NRXN3: variants seen among roughly 807,000 people sequenced by gnomAD.
NRXN3 encodes the protein neurexin 3.
NRXN3 carries 32 observed loss-of-function variants against 137.6 expected under a neutral mutation model. That is an observed-to-expected ratio of 0.23 (90% CI 0.18 to 0.31). The LOEUF (loss-of-function observed/expected upper bound fraction) is 0.31, where lower values mean the gene tolerates loss of function less well. NRXN3 is among the 10% of genes least tolerant of loss of function. NRXN3 has a pLI of 1.00. For missense variants in NRXN3, 1,574 were observed against 2,062.5 expected (o/e 0.76, Z 4.59); for synonymous variants, 798 against 784.5 (o/e 1.02, Z -0.29).
intron 15 of NRXN3, chr14:79,280,650 A>G (rs1482279258): frequency 8.9e-7 from 1 of 1,123,202 alleles, no homozygotes; most frequent in Non-Finnish European, 1.3e-6. Flanking sequence ...TGAATTTAAA[A>G]TGATGAAAAG....
At chr14:79,762,457 C>T (rs72698405) in intron 19 of NRXN3, among the ~76,000 whole-genome samples, 18,783 of 145,852 alleles carry the variant, frequency 0.13, 1,456 homozygotes, top group Middle Eastern at 0.23. Context: ...TCAGAGATTT[C>T]CTGGCTTCAC....
chr14:78,538,741 G>T (rs983316583), intron 4 of NRXN3, among the ~76,000 whole-genome samples: 12 of 152,124 alleles, frequency 7.9e-5, no homozygotes, highest in Non-Finnish European at 1.3e-4. Context: ...TATGATATTG[G>T]CTGTGGGTTT....
intron 4 of NRXN3, among the ~76,000 whole-genome samples, chr14:78,435,691 C>T (rs1014915284): frequency 6.6e-6 from 1 of 152,180 alleles, no homozygotes; most frequent in Non-Finnish European, 1.5e-5. Context: ...TCATCTCCCA[C>T]CCAGAATAAT....
intron 19 of NRXN3, among the ~76,000 whole-genome samples, chr14:79,737,108 C>A (rs1390028780): frequency 1.3e-5 from 2 of 152,194 alleles, no homozygotes; most frequent in African/African-American, 4.8e-5. Flanking sequence ...ATATATTATT[C>A]CTTTCCTCAA....
intron 16 of NRXN3, among the ~76,000 whole-genome samples, chr14:79,552,880 T>G (rs2097389022): frequency 6.6e-6 from 1 of 152,130 alleles, no homozygotes; most frequent in Non-Finnish European, 1.5e-5. Flanking sequence ...GGGTGTGTTG[T>G]GGGTGCCCTG....
At chr14:78,246,253 G>T (rs1197024479) in intron 2 of NRXN3, among the ~76,000 whole-genome samples, 3 of 152,158 alleles carry the variant, frequency 2.0e-5, no homozygotes, top group Non-Finnish European at 1.5e-5. Context: ...TATACAATTT[G>T]CTTTTCTCTT....
At chr14:78,722,619 T>G (rs536240561) in intron 8 of NRXN3, among the ~76,000 whole-genome samples, 1 of 152,346 alleles carries the variant, frequency 6.6e-6, no homozygotes, top group African/African-American at 2.4e-5. Flanking sequence ...TGTTTGGTTC[T>G]TAATATATAC....
rs144772615 is a variant in NRXN3, at chr14:79,616,387, C to T, written c.3445-47391C>T. Among the ~76,000 whole-genome samples, 126 of 152,246 alleles carry T rather than the reference C, an allele frequency of 8.3e-4. 2 individuals are homozygous for T. The highest frequency in any genetic ancestry group is 3.4e-3 in the Middle Eastern group (1 of 292). On this transcript the variant is annotated intron_variant, in intron 16 of 20. Transcript: ENST00000335750. ...GGGGAGTAGAATTGGTGAATCTACT[C>T]TTCTAACTGCCTTTCCCTATCTCCA... is the stretch of plus-strand genomic sequence containing the variant.
At chr14:78,436,771 T>C (rs971422394) in intron 4 of NRXN3, among the ~76,000 whole-genome samples, 7 of 152,180 alleles carry the variant, frequency 4.6e-5, no homozygotes, top group Admixed American at 3.3e-4. Flanking sequence ...GCCTTTCAAA[T>C]TGGGGAGTGT....
At chr14:78,573,139 A>T (rs139862421) in intron 4 of NRXN3, among the ~76,000 whole-genome samples, 1 of 152,290 alleles carries the variant, frequency 6.6e-6, no homozygotes, top group African/African-American at 2.4e-5. Flanking sequence ...TTCTGCCATG[A>T]TTGTAAGTTT....
Position 78,768,380 on chromosome 14 carries a change from G to C in NRXN3, c.2045-35240G>C, listed in dbSNP as rs1339346939. On this transcript the variant is annotated intron_variant, in intron 8 of 20. Coordinates refer to ENST00000335750, the MANE Select transcript of NRXN3 (RefSeq NM_001330195.2). ...AGAAAAACAAAATTCATGCACATGA[G>C]AGAGTTCTTATAAGATGGAAGAGAC... Among the ~76,000 whole-genome samples the C allele has an allele frequency of 3.3e-5, 5 of 152,154 alleles. No homozygotes were observed. In the East Asian group the frequency reaches 7.7e-4, roughly 23 times the overall value.
intron 15 of NRXN3, among the ~76,000 whole-genome samples, chr14:79,074,080 G>A (rs187526365): frequency 5.3e-5 from 8 of 152,128 alleles, no homozygotes; most frequent in South Asian, 4.2e-4. Flanking sequence ...CTTCCACATC[G>A]TAGGTACACA....
At chr14:79,626,253 T>A (rs1437040921) in intron 16 of NRXN3, among the ~76,000 whole-genome samples, 2 of 152,014 alleles carry the variant, frequency 1.3e-5, no homozygotes, top group Non-Finnish European at 2.9e-5. Flanking sequence ...TTTAAGATGG[T>A]CCCAGTGCCA....
At chr14:79,593,065 A>AACTC (rs758638091) in intron 16 of NRXN3, among the ~76,000 whole-genome samples, 3 of 152,198 alleles carry the variant, frequency 2.0e-5, no homozygotes, top group Non-Finnish European at 4.4e-5. Context: ...TCTTAGTACA[A>AACTC]ACTCATGTTT....
intron 4 of NRXN3, among the ~76,000 whole-genome samples, chr14:78,546,405 G>T (rs1000962497): frequency 1.1e-4 from 17 of 152,110 alleles, no homozygotes; most frequent in African/African-American, 3.9e-4. Flanking sequence ...CTACAATGGA[G>T]ATATTTGTCT....
At chr14:78,557,210 A>G (rs1184903544) in intron 4 of NRXN3, among the ~76,000 whole-genome samples, 1 of 149,022 alleles carries the variant, frequency 6.7e-6, no homozygotes, top group African/African-American at 2.5e-5. Context: ...ACACCTGGCT[A>G]TATTTTTTTC....
At chr14:79,158,603 C>G (rs531805467) in intron 15 of NRXN3, among the ~76,000 whole-genome samples, 1 of 151,778 alleles carries the variant, frequency 6.6e-6, no homozygotes, top group Admixed American at 6.6e-5. Context: ...TTTATCATTG[C>G]TCACCTTTGA....
At chr14:79,306,336 A>T (rs2086062626) in intron 15 of NRXN3, among the ~76,000 whole-genome samples, 1 of 152,062 alleles carries the variant, frequency 6.6e-6, no homozygotes, top group Non-Finnish European at 1.5e-5. Flanking sequence ...TTTATGCTTC[A>T]TTATAATGCC....
chr14:79,217,972 G>T (rs2068836594), intron 15 of NRXN3, among the ~76,000 whole-genome samples: 1 of 152,130 alleles, frequency 6.6e-6, no homozygotes. Flanking sequence ...CAACAGATTA[G>T]TTCCCAGAGG....
Sources: gnomAD v4.1 joint callset for allele counts (sites outside exome capture counted in the v4.1 genomes callset) on GRCh38, gnomAD v4.1.1 for gene constraint, MANE v1.5 for transcripts, NCBI Gene and HGNC (gene_info 2026-07-23, HGNC 2026-07-21) for gene names.